FSD2: variants seen among roughly 807,000 people sequenced by gnomAD.
The protein encoded by FSD2 is fibronectin type III and SPRY domain containing 2.
In FSD2, 71 loss-of-function variants were observed where a neutral mutation model predicts 80.4. The ratio of observed to expected loss-of-function variants is 0.88; its 90% CI spans 0.73 to 1.08. The LOEUF (loss-of-function observed/expected upper bound fraction) is 1.08. Among genes scored for constraint, FSD2 ranks in the 50% least tolerant of loss-of-function variants. FSD2 has a pLI of 0.00. For missense variants in FSD2, 923 were observed against 913.8 expected, an observed-to-expected ratio of 1.01 and a Z score of -0.13; for synonymous variants, 361 against 329.5, an observed-to-expected ratio of 1.10 and a Z score of -1.03.
intron 1 of FSD2, among the ~76,000 whole-genome samples, chr15:82,799,379 A>C (rs2050356590): frequency 6.6e-6 from 1 of 151,706 alleles, no homozygotes; most frequent in Admixed American, 6.6e-5. Context: ...GCTGCTCTTT[A>C]TATGCAGGCA....
chr15:82,791,397 G>C (rs1208102060), intron 1 of FSD2, among the ~76,000 whole-genome samples: 5 of 151,418 alleles, frequency 3.3e-5, no homozygotes, highest in Non-Finnish European at 5.9e-5. Flanking sequence ...TTGAGACATG[G>C]TCTCCCTCTG....
intron 3 of FSD2, among the ~76,000 whole-genome samples, chr15:82,784,944 T>A (rs1405234134): frequency 6.6e-6 from 1 of 152,178 alleles, no homozygotes; most frequent in African/African-American, 2.4e-5. Context: ...GTGACAGGCA[T>A]GGAAACTTAT....
intron 1 of FSD2, among the ~76,000 whole-genome samples, chr15:82,803,348 C>G (rs2050457842): frequency 6.6e-6 from 1 of 152,170 alleles, no homozygotes; most frequent in Admixed American, 6.5e-5. Flanking sequence ...AGTGGTACAT[C>G]TGCACATCGT....
chr15:82,774,961 C>A (rs1390787976), intron 6 of FSD2, among the ~76,000 whole-genome samples: 1 of 151,138 alleles, frequency 6.6e-6, no homozygotes, highest in Non-Finnish European at 1.5e-5. Flanking sequence ...ACCTCATGAT[C>A]CACCCACCTC....
chr15:82,771,471 G>A (rs2049568471), intron 7 of FSD2, among the ~76,000 whole-genome samples: 1 of 152,190 alleles, frequency 6.6e-6, no homozygotes, highest in Non-Finnish European at 1.5e-5. Context: ...GTAGTATGGG[G>A]GGCCCTACCC....
intron 9 of FSD2, among the ~76,000 whole-genome samples, chr15:82,767,658 C>A (rs1478666159): frequency 1.3e-5 from 2 of 152,168 alleles, no homozygotes; most frequent in Admixed American, 6.5e-5. Flanking sequence ...GCATAAATTG[C>A]AAAGGAAACC....
At chr15:82,779,679 A>G (rs991001047) in intron 5 of FSD2, among the ~76,000 whole-genome samples, 75 of 152,118 alleles carry the variant, frequency 4.9e-4, no homozygotes, top group Non-Finnish European at 9.3e-4. Flanking sequence ...AAAAAAAAAA[A>G]AGAATTTGAA....
chr15:82,762,406 A>G (rs745364877), intron 11 of FSD2, 128 bp from the exon 12 acceptor site: 7 of 747,692 alleles, frequency 9.4e-6, no homozygotes, highest in Non-Finnish European at 1.5e-5. Context: ...GCTTCTGGAC[A>G]CTTAACTTGT....
Position 82,760,739 on chromosome 15 carries a change from GCACA to G in FSD2, c.1998-1143_1998-1140del, listed in dbSNP as rs141943507. Among the ~76,000 whole-genome samples, 29 of 150,224 alleles carry G rather than the reference GCACA, an allele frequency of 1.9e-4. No homozygotes were observed. In the South Asian group the frequency reaches 2.5e-3, roughly 13 times the overall value. ...CGTGTGTGCACGTGTGTGCGTGCAC[GCACA>G]CACACACACACACACACCCTACATC... is the stretch of plus-strand genomic sequence containing the variant. On this transcript the variant is annotated intron_variant, in intron 12 of 12. Transcript: ENST00000334574.
At chr15:82,775,006 CACCGCGCCTGGCCT>C (rs1349928403) in intron 6 of FSD2, among the ~76,000 whole-genome samples, 2 of 151,588 alleles carry the variant, frequency 1.3e-5, no homozygotes, top group Non-Finnish European at 2.9e-5. Flanking sequence ...AGGCGTGAGC[CACCGCGCCTGGCCT>C]TGTTTCTAAA....
intron 4 of FSD2, among the ~76,000 whole-genome samples, chr15:82,782,099 AATAAT>A (rs764614989): frequency 2.1e-4 from 27 of 126,944 alleles, no homozygotes; most frequent in African/African-American, 6.5e-4. Flanking sequence ...TAATAATAAT[AATAAT>A]AAAACTCTTG....
chr15:82,785,110 A>G (rs767895718), intron 3 of FSD2, among the ~76,000 whole-genome samples: 1 of 152,104 alleles, frequency 6.6e-6, no homozygotes, highest in Non-Finnish European at 1.5e-5. Flanking sequence ...GACAAAAGTT[A>G]CAGAGCCACA....
Position 82,759,171 on chromosome 15 carries a change from A to G in FSD2, c.*177T>C. 3.1e-6 allele frequency: 2 copies of G among 650,446 alleles called. No individual in the cohort carries two copies. Among genetic ancestry groups the G allele is most frequent in the Non-Finnish European group, 5.2e-6 (2 of 387,710 alleles). The allele number at this position is 650,446 out of a possible 1,614,324, so 40.3% of individuals were successfully genotyped here. ...ATCCTAGCAGCACACAGGTAGCAGC[A>G]CACAGGACTAGAATCCAGGTTGGGT... is the stretch of plus-strand genomic sequence containing the variant. On this transcript the variant is annotated 3_prime_UTR_variant, in exon 13 of 13. Transcript: ENST00000334574.
At chr15:82,786,716 T>A (rs543325015) in intron 2 of FSD2, 36 bp downstream of exon 2, 1 of 1,609,978 alleles carries the variant, frequency 6.2e-7, no homozygotes. Context: ...ACCAAAGCAA[T>A]ATCAAGACAG....
At position 82,755,718 on chromosome 15, in the gene FSD2, T is replaced by C. The variant is rs1257032289; in HGVS notation, c.*3630A>G. ...AGTTGTTGTGCCCAGGTCATAGTCA[T>C]ACTCCTTCCAGGAGACTTCCTGATG... On this transcript the variant is annotated 3_prime_UTR_variant, in exon 13 of 13. Transcript: ENST00000334574. 5.0e-6 allele frequency: 1 copy of C among 198,966 alleles called. No individual in the cohort carries two copies. The highest frequency in any genetic ancestry group is 1.1e-5 in the Non-Finnish European group (1 of 93,766). 12.3% of individuals were successfully genotyped at this position (198,966 alleles called of 1,614,324 possible).
chr15:82,768,963 C>G lies in FSD2; in HGVS notation c.1470G>C (p.Trp490Cys), dbSNP rs2049491811. The change falls in exon 9 of 13, where the codon TGG (tryptophan) becomes TGC (cysteine). Residue 490 changes from tryptophan to cysteine, a missense_variant. By Grantham distance (215) the Trp-to-Cys change is radical (BLOSUM62 -2). Coordinates refer to ENST00000334574, the MANE Select transcript of FSD2 (RefSeq NM_001007122.4). ...RSCEEAVLIC[W>C]ESGNLNPVDS... ...CCACAGGATTCAGGTTCCCAGACTC[C>G]CAGCAAATCAGCACAGCCTCTTCAC... 6.2e-7 allele frequency: 1 copy of G among 1,607,550 alleles called. No homozygotes were observed. Among genetic ancestry groups the G allele is most frequent in the Non-Finnish European group, 8.5e-7 (1 of 1,177,180 alleles).
At chr15:82,762,521 G>A (rs2049316880) in intron 11 of FSD2, among the ~76,000 whole-genome samples, 1 of 152,142 alleles carries the variant, frequency 6.6e-6, no homozygotes. Context: ...AACAGAACAA[G>A]TTTTGTTTGC....
rs749972634 is a variant in FSD2, at chr15:82,782,104, T to TAATAATAATAATAAAAAA, written c.966+690_966+691insTTTTTTATTATTATTATT. Reference sequence around the variant, plus strand: ...ATAATAATAATAATAATAATAATAATAAAACTCTTGGCCGGGCATGGTGGC... The same window carrying TAATAATAATAATAAAAAA: ...ATAATAATAATAATAATAATAATAATAATAATAATAATAAAAAAAAAACTCTTGGCCGGGCATGGTGGC... On this transcript the variant is annotated intron_variant, in intron 4 of 12. Transcript: ENST00000334574. 7.6e-5 allele frequency among the ~76,000 whole-genome samples: 9 copies of TAATAATAATAATAAAAAA among 118,906 alleles called. No homozygotes were observed. The East Asian group carries it at 1.3e-3, about 17-fold the overall frequency. 78.0% of individuals were successfully genotyped at this position (118,906 alleles called of 152,430 possible). A position where few individuals can be genotyped will look rare whatever the true frequency, so the allele number is the denominator to read the frequency against.
At chr15:82,762,369 C>T (rs1044942360) in intron 11 of FSD2, 91 bp from the exon 12 acceptor site, 23 of 1,266,652 alleles carry the variant, frequency 1.8e-5, no homozygotes, top group Admixed American at 1.2e-4. Flanking sequence ...ATCAGTCAGT[C>T]GGTGGTCTAC....
Sources: allele counts gnomAD v4.1 joint callset (sites outside exome capture counted in the v4.1 genomes callset), GRCh38; gene constraint gnomAD v4.1.1; transcripts MANE v1.5; gene names NCBI Gene and HGNC (gene_info 2026-07-23, HGNC 2026-07-21).